PUS7: variants seen among roughly 807,000 people sequenced by gnomAD.
PUS7 encodes pseudouridylate synthase 7 homolog.
In PUS7, 48 loss-of-function variants were observed where a neutral mutation model predicts 79.8. The ratio of observed to expected loss-of-function variants is 0.60; its 90% CI spans 0.48 to 0.76. The LOEUF (loss-of-function observed/expected upper bound fraction) is 0.76. Ranked by LOEUF, PUS7 falls within the 30% of genes least tolerant of loss-of-function variation. The pLI, the probability that PUS7 is intolerant of heterozygous loss-of-function variation, is 0.00. For synonymous variants in PUS7, 286 were observed against 272.2 expected, an observed-to-expected ratio of 1.05 and a Z score of -0.50; for missense variants, 729 against 797.6, an observed-to-expected ratio of 0.91 and a Z score of 1.04.
chr7:105,506,646 C>T (rs969003709), intron 2 of PUS7, among the ~76,000 whole-genome samples: 3 of 152,088 alleles, frequency 2.0e-5, no homozygotes, highest in African/African-American at 7.2e-5. Context: ...TGATCTTGAA[C>T]TCCTGACCTC....
chr7:105,519,217 A>G (rs1826010095), intron 1 of PUS7, among the ~76,000 whole-genome samples: 1 of 151,692 alleles, frequency 6.6e-6, no homozygotes, highest in African/African-American at 2.4e-5. Context: ...CTTTAGGGCC[A>G]GAGCACAGAG....
chr7:105,457,906 T>C lies in PUS7; in HGVS notation c.1870A>G (p.Lys624Glu), dbSNP rs759245860. The C allele has an allele frequency of 6.2e-7, 1 of 1,613,948 alleles. No individual in the cohort carries two copies. The highest frequency in any genetic ancestry group is 8.5e-7 in the Non-Finnish European group (1 of 1,179,900). Residue 624 changes from lysine (K) to glutamate (E), a missense_variant, in exon 16 of 16, where the codon AAA becomes GAA. Lys to Glu is a moderately conservative substitution (Grantham distance 56). Transcript: ENST00000469408. The part of the protein sequence containing the change: ...FASEGKYRAL[K>E]MDFSLPPSTY... ...GAAGGGGGTAGAGAAAAATCCATTT[T>C]CAGAGCCCTGTATTTGCCTTCTGCA...
intron 14 of PUS7, 146 bp from the exon 15 acceptor site, chr7:105,459,405 C>T (rs1431253822): frequency 1.2e-5 from 5 of 432,080 alleles, no homozygotes; most frequent in African/African-American, 2.0e-5. Flanking sequence ...ATAGCAGGGC[C>T]AGATTTTATA....
At chr7:105,490,149 T>C (rs1824723200) in intron 7 of PUS7, among the ~76,000 whole-genome samples, 1 of 147,504 alleles carries the variant, frequency 6.8e-6, no homozygotes, top group Non-Finnish European at 1.5e-5. Flanking sequence ...CCAAAATAAA[T>C]ACATGTATTT....
chr7:105,499,556 A>T (rs76214269), intron 5 of PUS7, among the ~76,000 whole-genome samples: 2,686 of 152,228 alleles, frequency 0.018, 28 homozygotes, highest in Non-Finnish European at 0.023. Context: ...TGGTATTTTA[A>T]AAAAAAATCA....
Position 105,506,240 on chromosome 7 carries a change from T to C in PUS7, c.432A>G (p.Lys144=). ...YSDFVVHEIG[K]DGRISHLNDL... is the part of the protein sequence containing the mutation. The stretch of plus-strand genomic sequence containing the variant: ...CATTCAAATGGCTGATCCGTCCATC[T>C]TTTCCTATTTCATGAACAACGAAGT... Residue 144 remains lysine (K), a synonymous_variant, in exon 3 of 16, where the codon AAA becomes AAG. Transcript: ENST00000469408. The C allele has an allele frequency of 6.2e-7, 1 of 1,613,134 alleles. No individual in the cohort carries two copies. The highest frequency in any genetic ancestry group is 2.2e-5 in the East Asian group (1 of 44,834).
intron 9 of PUS7, among the ~76,000 whole-genome samples, chr7:105,474,644 G>T (rs1487647569): frequency 6.6e-6 from 1 of 151,828 alleles, no homozygotes; most frequent in Non-Finnish European, 1.5e-5. Context: ...AATCGGGCGT[G>T]GTGGCACGTG....
At chr7:105,502,929 G>C (rs1312848075) in intron 4 of PUS7, among the ~76,000 whole-genome samples, 1 of 152,030 alleles carries the variant, frequency 6.6e-6, no homozygotes, top group Non-Finnish European at 1.5e-5. Context: ...CAAACTCCTG[G>C]CCTCAAGTGA....
At position 105,508,563 on chromosome 7, in the gene PUS7, A is replaced by G. The variant is rs768305684; in HGVS notation, c.-32-19T>C. On this transcript the variant is annotated intron_variant, in intron 1 of 15. Coordinates refer to ENST00000469408, the MANE Select transcript of PUS7 (RefSeq NM_019042.5). ...AGAAAACCTGTTAGGAAAGAGTAGA[A>G]AGTAACAATCACCTATATAAAAGCT... 1 of 1,573,158 alleles carries G rather than the reference A, an allele frequency of 6.4e-7. No homozygotes were observed. Among genetic ancestry groups the G allele is most frequent in the Non-Finnish European group, 8.6e-7 (1 of 1,161,800 alleles).
intron 9 of PUS7, among the ~76,000 whole-genome samples, chr7:105,474,491 G>A (rs113664952): frequency 0.13 from 20,330 of 151,906 alleles, 1,763 homozygotes; most frequent in Middle Eastern, 0.3. Flanking sequence ...TTGTTAGGCC[G>A]GGCATGGTGG....
At chr7:105,519,898 A>G (rs1356535152) in intron 1 of PUS7, among the ~76,000 whole-genome samples, 2 of 152,218 alleles carry the variant, frequency 1.3e-5, no homozygotes, top group Non-Finnish European at 2.9e-5. Context: ...CCCGAACAGC[A>G]CGTGTAAAGG....
intron 9 of PUS7, among the ~76,000 whole-genome samples, chr7:105,475,216 C>G (rs558459386): frequency 1.3e-5 from 2 of 151,966 alleles, no homozygotes; most frequent in Non-Finnish European, 2.9e-5. Context: ...GATGGAGTCT[C>G]GCTCTGTCAC....
chr7:105,480,901 T>G, intron 9 of PUS7, 151 bp downstream of exon 9: 1 of 852,722 alleles, frequency 1.2e-6, no homozygotes, highest in Non-Finnish European at 1.7e-6. Flanking sequence ...TTTTACCCTG[T>G]GCACTCATTA....
chr7:105,477,498 C>CCAGGCTGGTCTTGAA (rs1824161065), intron 9 of PUS7, among the ~76,000 whole-genome samples: 1 of 152,142 alleles, frequency 6.6e-6, no homozygotes. Flanking sequence ...AATCCGCCAC[C>CCAGGCTGGTCTTGAA]CACCTCGGCC....
intron 3 of PUS7, 44 bp from the exon 4 acceptor site, chr7:105,506,100 T>C (rs372421600): frequency 1.0e-4 from 158 of 1,578,404 alleles, no homozygotes; most frequent in Non-Finnish European, 8.1e-5. Flanking sequence ...ATACATAGAA[T>C]TCAAGTTTAA....
Position 105,457,353 on chromosome 7 carries a change from T to C in PUS7, c.*437A>G, listed in dbSNP as rs1246122696. On this transcript the variant is annotated 3_prime_UTR_variant, in exon 16 of 16. Coordinates refer to ENST00000469408, the MANE Select transcript of PUS7 (RefSeq NM_019042.5). The stretch of plus-strand genomic sequence containing the variant: ...TGAGTACTGTATTTATATTTGTGGG[T>C]GGCAGCTCTCAAATTATTTATCCAT... 6.5e-6 allele frequency: 1 copy of C among 152,806 alleles called. No individual in the cohort carries two copies. Among genetic ancestry groups the C allele is most frequent in the African/African-American group, 2.4e-5 (1 of 41,462 alleles). The allele number at this position is 152,806 out of a possible 1,614,324, so 9.5% of individuals were successfully genotyped here.
chr7:105,481,561 A>G (rs1258622714), intron 8 of PUS7, among the ~76,000 whole-genome samples: 1 of 152,050 alleles, frequency 6.6e-6, no homozygotes, highest in Non-Finnish European at 1.5e-5. Context: ...GACAATCCTC[A>G]CCACTATCTA....
intron 1 of PUS7, among the ~76,000 whole-genome samples, chr7:105,514,603 C>CA (rs1292149875): frequency 2.1e-5 from 3 of 145,930 alleles, no homozygotes; most frequent in South Asian, 2.2e-4. Context: ...GACTCCATCT[C>CA]AAAAAAAAGA....
At chr7:105,503,673 C>T (rs1274155451) in intron 4 of PUS7, among the ~76,000 whole-genome samples, 2 of 152,160 alleles carry the variant, frequency 1.3e-5, no homozygotes, top group Non-Finnish European at 2.9e-5. Flanking sequence ...GGCTCTGTCA[C>T]CCAGGCTGGA....
Sources: gnomAD v4.1 joint callset for allele counts (sites outside exome capture counted in the v4.1 genomes callset) on GRCh38, gnomAD v4.1.1 for gene constraint, MANE v1.5 for transcripts, NCBI Gene and HGNC (gene_info 2026-07-23, HGNC 2026-07-21) for gene names.